RAPGEF2: variants seen among roughly 807,000 people sequenced by gnomAD.
RAPGEF2 encodes Rap guanine nucleotide exchange factor 2, also known as PDZ domain containing guanine nucleotide exchange factor (GEF) 1.
In RAPGEF2, 54 loss-of-function variants were observed where a neutral mutation model predicts 186.7. The observed-to-expected ratio is 0.29, with a 90% CI of 0.23 to 0.36. RAPGEF2 has a LOEUF of 0.36. Ranked by LOEUF, RAPGEF2 falls within the 10% of genes least tolerant of loss-of-function variation. The pLI is 1.00. For missense variants in RAPGEF2, 1,532 were observed against 2,045.0 expected, an observed-to-expected ratio of 0.75 and a Z score of 4.84; for synonymous variants, 712 against 705.9, an observed-to-expected ratio of 1.01 and a Z score of -0.14.
intron 7 of RAPGEF2, among the ~76,000 whole-genome samples, chr4:159,298,149 G>C (rs12508936): frequency 9.2e-5 from 14 of 152,244 alleles, no homozygotes; most frequent in Admixed American, 8.5e-4. Context: ...TCTACCTGTA[G>C]TTTAATCAGA....
At chr4:159,245,985 C>T (rs1007616687) in intron 7 of RAPGEF2, among the ~76,000 whole-genome samples, 17 of 152,074 alleles carry the variant, frequency 1.1e-4, no homozygotes, top group Admixed American at 5.9e-4. Context: ...TCCTACTTAC[C>T]CAAAAATATG....
intron 7 of RAPGEF2, among the ~76,000 whole-genome samples, chr4:159,266,253 G>C (rs1233949486): frequency 6.6e-6 from 1 of 152,090 alleles, no homozygotes; most frequent in Non-Finnish European, 1.5e-5. Context: ...CTTTAGATAT[G>C]AGGAGAAAGA....
intron 1 of RAPGEF2, among the ~76,000 whole-genome samples, chr4:159,136,163 G>A (rs1353842463): frequency 6.6e-6 from 1 of 152,196 alleles, no homozygotes; most frequent in East Asian, 1.9e-4. Flanking sequence ...AAAAAATATG[G>A]TTGTTTTTCC....
intron 1 of RAPGEF2, among the ~76,000 whole-genome samples, chr4:159,179,898 A>G (rs1177494388): frequency 6.6e-6 from 1 of 152,182 alleles, no homozygotes. Context: ...TGGAAGTACA[A>G]ATGCCGACAG....
intron 11 of RAPGEF2, among the ~76,000 whole-genome samples, chr4:159,324,954 A>G (rs1765728239): frequency 6.6e-6 from 1 of 152,200 alleles, no homozygotes; most frequent in Non-Finnish European, 1.5e-5. Flanking sequence ...TGTCAGTTGT[A>G]TTTATTAGTC....
intron 23 of RAPGEF2, 125 bp from the exon 24 acceptor site, chr4:159,344,981 T>A (rs1360020523): frequency 1.4e-6 from 1 of 712,558 alleles, no homozygotes; most frequent in Non-Finnish European, 2.4e-6. Flanking sequence ...TGTAACAGTT[T>A]ACTCACTGGA....
At chr4:159,197,273 C>A (rs549099130) in intron 3 of RAPGEF2, among the ~76,000 whole-genome samples, 1 of 152,302 alleles carries the variant, frequency 6.6e-6, no homozygotes, top group African/African-American at 2.4e-5. Context: ...TCATAGTACA[C>A]CATGGAAACT....
chr4:159,211,231 G>A (rs954786711), intron 4 of RAPGEF2, among the ~76,000 whole-genome samples: 2 of 152,124 alleles, frequency 1.3e-5, no homozygotes, highest in Non-Finnish European at 2.9e-5. Flanking sequence ...CCTGGGTTGG[G>A]GCGGATGTAT....
At position 159,350,250 on chromosome 4, in the gene RAPGEF2, T is replaced by G. The variant is rs1191967302; in HGVS notation, c.3826T>G (p.Ser1276Ala). 1 of 1,599,824 alleles carries G rather than the reference T, an allele frequency of 6.3e-7. No individual in the cohort carries two copies. Among genetic ancestry groups the G allele is most frequent in the East Asian group, 2.2e-5 (1 of 44,536 alleles). The change falls in exon 26 of 30, where the codon TCT becomes GCT. Residue 1276 changes from serine to alanine, a missense_variant. Physicochemically the swap from Ser to Ala is moderately conservative, Grantham distance 99. Coordinates refer to ENST00000691494, the MANE Select transcript of RAPGEF2 (RefSeq NM_001394067.2). ...AATATCAAATGCATCTTCGCAGCTT[T>G]CTTCTCCTCCTACTTCTCCACAGAG... Reference protein sequence around the residue: ...DTISNASSQLSSPPTSPQSSP... With the variant: ...DTISNASSQLASPPTSPQSSP...
chr4:159,251,365 C>G (rs1755367060), intron 7 of RAPGEF2, among the ~76,000 whole-genome samples: 2 of 152,380 alleles, frequency 1.3e-5, no homozygotes, highest in South Asian at 2.1e-4. Context: ...GTGGGATCCA[C>G]TAGGCAAAGC....
intron 5 of RAPGEF2, among the ~76,000 whole-genome samples, chr4:159,239,356 C>A (rs184933409): frequency 2.0e-5 from 3 of 152,218 alleles, no homozygotes; most frequent in Non-Finnish European, 4.4e-5. Flanking sequence ...ACTGTTAATT[C>A]ATTCATTAGA....
intron 6 of RAPGEF2, among the ~76,000 whole-genome samples, chr4:159,243,340 T>G (rs1004206022): frequency 6.6e-6 from 1 of 151,910 alleles, no homozygotes; most frequent in African/African-American, 2.4e-5. Flanking sequence ...ACATTATAAT[T>G]TATTATTTAT....
intron 7 of RAPGEF2, among the ~76,000 whole-genome samples, chr4:159,251,780 C>G (rs138869686): frequency 6.6e-6 from 1 of 150,890 alleles, no homozygotes; most frequent in African/African-American, 2.5e-5. Context: ...CCAATCAGCT[C>G]TCTGTAAAAT....
chr4:159,118,177 A>G (rs1340753710), intron 1 of RAPGEF2, among the ~76,000 whole-genome samples: 1 of 152,036 alleles, frequency 6.6e-6, no homozygotes, highest in Non-Finnish European at 1.5e-5. Flanking sequence ...GTTTACAGCC[A>G]CTCCCCATCA....
intron 4 of RAPGEF2, among the ~76,000 whole-genome samples, chr4:159,215,170 GTTGT>G (rs1012325658): frequency 2.0e-5 from 3 of 151,546 alleles, no homozygotes; most frequent in African/African-American, 7.3e-5. Context: ...TTTTGTTGTT[GTTGT>G]TTGTTTGGTT....
chr4:159,307,793 G>T (rs965948282), intron 8 of RAPGEF2, among the ~76,000 whole-genome samples: 2 of 152,142 alleles, frequency 1.3e-5, no homozygotes, highest in Non-Finnish European at 2.9e-5. Flanking sequence ...CCAACATGGT[G>T]AAACCCCATC....
At chr4:159,269,815 A>G (rs544499066) in intron 7 of RAPGEF2, among the ~76,000 whole-genome samples, 5 of 152,300 alleles carry the variant, frequency 3.3e-5, no homozygotes, top group African/African-American at 9.6e-5. Flanking sequence ...GTTTGCTACT[A>G]TGGGCAACAT....
chr4:159,206,078 G>A (rs768556347), intron 3 of RAPGEF2, among the ~76,000 whole-genome samples: 17 of 152,080 alleles, frequency 1.1e-4, no homozygotes, highest in Non-Finnish European at 1.6e-4. Context: ...TACTGGCACC[G>A]CCACCATGCC....
At chr4:159,245,520 T>A (rs1056329300) in intron 7 of RAPGEF2, among the ~76,000 whole-genome samples, 5 of 152,074 alleles carry the variant, frequency 3.3e-5, no homozygotes, top group Non-Finnish European at 7.4e-5. Flanking sequence ...GGTAATAGTT[T>A]ACCTTGTCTC....
Sources: gnomAD v4.1 joint callset for allele counts (sites outside exome capture counted in the v4.1 genomes callset) on GRCh38, gnomAD v4.1.1 for gene constraint, MANE v1.5 for transcripts, NCBI Gene and HGNC (gene_info 2026-07-23, HGNC 2026-07-21) for gene names.